Variants in ADGRL3 observed in about 807,000 individuals in gnomAD.
ADGRL3 encodes calcium-independent alpha-latrotoxin receptor 3.
Under a neutral mutation model 153.5 loss-of-function variants are expected in ADGRL3, and 62 were observed. The observed-to-expected ratio is 0.40, with a 90% CI of 0.33 to 0.50. The LOEUF (loss-of-function observed/expected upper bound fraction) is 0.50, where lower values mean the gene tolerates loss of function less well. ADGRL3 is among the 20% of genes least tolerant of loss of function. The probability of loss-of-function intolerance (pLI) is 0.47; values close to 1 mark genes in which losing one functional copy is unlikely to be tolerated. For missense variants in ADGRL3, 1,641 were observed against 1,859.4 expected (o/e 0.88, Z 2.16); for synonymous variants, 710 against 672.5 (o/e 1.06, Z -0.86).
At chr4:61,953,118 C>A (rs1253549559) in intron 17 of ADGRL3, among the ~76,000 whole-genome samples, 1 of 152,134 alleles carries the variant, frequency 6.6e-6, no homozygotes, top group East Asian at 1.9e-4. Flanking sequence ...AAGAAACACA[C>A]TAACCAAACT....
At chr4:62,042,075 G>T (rs1728628580) in intron 24 of ADGRL3, among the ~76,000 whole-genome samples, 1 of 151,856 alleles carries the variant, frequency 6.6e-6, no homozygotes, top group African/African-American at 2.4e-5. Context: ...AGAGAGCATA[G>T]AAAAAATTAA....
At chr4:61,912,878 G>A (rs576525608) in intron 13 of ADGRL3, 121 bp downstream of exon 13, 1 of 900,312 alleles carries the variant, frequency 1.1e-6, no homozygotes, top group Non-Finnish European at 1.7e-6. Context: ...TTTCATGGAG[G>A]GGGAGAAGGG....
chr4:61,655,344 T>G (rs564657500), intron 5 of ADGRL3, among the ~76,000 whole-genome samples: 3 of 152,326 alleles, frequency 2.0e-5, no homozygotes, highest in South Asian at 2.1e-4. Flanking sequence ...GCTTCTGTGA[T>G]GCAATTTGAA....
chr4:61,391,381 G>T (rs2096800144), intron 2 of ADGRL3, among the ~76,000 whole-genome samples: 1 of 152,192 alleles, frequency 6.6e-6, no homozygotes, highest in East Asian at 1.9e-4. Flanking sequence ...CCTCAAGAAG[G>T]GTACCAAGCC....
chr4:61,623,156 C>A (rs2092633435), intron 5 of ADGRL3, among the ~76,000 whole-genome samples: 1 of 152,106 alleles, frequency 6.6e-6, no homozygotes, highest in South Asian at 2.1e-4. Context: ...CTGACCCAGG[C>A]TCACTGACTT....
At chr4:61,924,572 C>G (rs770322828) in intron 13 of ADGRL3, among the ~76,000 whole-genome samples, 3 of 152,198 alleles carry the variant, frequency 2.0e-5, no homozygotes, top group Non-Finnish European at 4.4e-5. Flanking sequence ...AACCATTCTT[C>G]AGCATCTCAG....
At chr4:61,664,182 A>G (rs1264361482) in intron 5 of ADGRL3, among the ~76,000 whole-genome samples, 4 of 152,316 alleles carry the variant, frequency 2.6e-5, no homozygotes, top group East Asian at 3.9e-4. Flanking sequence ...TAGTAAATAT[A>G]TGAGAAACTA....
intron 17 of ADGRL3, among the ~76,000 whole-genome samples, chr4:61,954,966 G>A (rs902761134): frequency 6.6e-6 from 1 of 152,170 alleles, no homozygotes. Flanking sequence ...AGAGATTTCA[G>A]CTAGGTCCCC....
At chr4:61,816,278 C>T (rs1270401801) in intron 9 of ADGRL3, among the ~76,000 whole-genome samples, 4 of 152,154 alleles carry the variant, frequency 2.6e-5, no homozygotes, top group Non-Finnish European at 5.9e-5. Context: ...TGAGAGTTAG[C>T]CAATGTCCAC....
At chr4:62,006,619 T>C (rs548832797) in intron 21 of ADGRL3, among the ~76,000 whole-genome samples, 2 of 151,814 alleles carry the variant, frequency 1.3e-5, no homozygotes, top group East Asian at 1.9e-4. Context: ...TTATGTTTTA[T>C]TTATTTTTGG....
chr4:61,948,648 T>C (rs1041624095), intron 17 of ADGRL3, among the ~76,000 whole-genome samples: 9 of 152,110 alleles, frequency 5.9e-5, no homozygotes. Flanking sequence ...TAAAGAGCTA[T>C]GCATAGGTTA....
chr4:61,566,083 T>G (rs1305673483), intron 4 of ADGRL3, among the ~76,000 whole-genome samples: 4 of 152,152 alleles, frequency 2.6e-5, no homozygotes, highest in Non-Finnish European at 4.4e-5. Context: ...TTTATTAGTT[T>G]GCTAGAGCCA....
At chr4:61,489,326 G>A (rs1207466186) in intron 2 of ADGRL3, among the ~76,000 whole-genome samples, 6 of 150,876 alleles carry the variant, frequency 4.0e-5, no homozygotes, top group Non-Finnish European at 1.5e-5. Context: ...ACTTTTTGAT[G>A]TTTTATACTT....
intron 4 of ADGRL3, among the ~76,000 whole-genome samples, chr4:61,520,581 T>A (rs2098523873): frequency 6.6e-6 from 1 of 152,010 alleles, no homozygotes; most frequent in Admixed American, 6.6e-5. Context: ...TACTATAATC[T>A]TTTTTCAAAA....
chr4:61,624,153 T>C (rs1457187515), intron 5 of ADGRL3, among the ~76,000 whole-genome samples: 1 of 152,158 alleles, frequency 6.6e-6, no homozygotes, highest in African/African-American at 2.4e-5. Context: ...AAAAACAGCC[T>C]ATTCAATTTT....
At chr4:61,368,975 T>G (rs2096464814) in intron 1 of ADGRL3, among the ~76,000 whole-genome samples, 1 of 152,214 alleles carries the variant, frequency 6.6e-6, no homozygotes, top group African/African-American at 2.4e-5. Context: ...CTAGGTATTT[T>G]ATTCTCTTTG....
intron 5 of ADGRL3, among the ~76,000 whole-genome samples, chr4:61,638,712 C>CT (rs1271005636): frequency 2.0e-5 from 3 of 152,144 alleles, no homozygotes; most frequent in South Asian, 2.1e-4. Flanking sequence ...CAAAATTACT[C>CT]TAAGTTAAAC....
intron 5 of ADGRL3, among the ~76,000 whole-genome samples, chr4:61,608,373 T>G (rs1318491469): frequency 1.3e-5 from 2 of 152,170 alleles, no homozygotes; most frequent in Non-Finnish European, 2.9e-5. Flanking sequence ...AAAGACTATT[T>G]CAGAGAATAT....
At chr4:61,981,929 T>A (rs952239377) in intron 18 of ADGRL3, among the ~76,000 whole-genome samples, 2 of 152,220 alleles carry the variant, frequency 1.3e-5, no homozygotes, top group Non-Finnish European at 2.9e-5. Flanking sequence ...CATCATATAC[T>A]AATGTGACAG....
Sources: gnomAD v4.1 joint callset for allele counts (sites outside exome capture counted in the v4.1 genomes callset) on GRCh38, gnomAD v4.1.1 for gene constraint, MANE v1.5 for transcripts, NCBI Gene and HGNC (gene_info 2026-07-23, HGNC 2026-07-21) for gene names.